PTPRZ1: variants seen among roughly 807,000 people sequenced by gnomAD.
PTPRZ1 encodes protein tyrosine phosphatase receptor type Z1.
PTPRZ1 carries 82 observed loss-of-function variants against 214.1 expected under a neutral mutation model. That is an observed-to-expected ratio of 0.38 (90% CI 0.32 to 0.46). PTPRZ1 has a LOEUF of 0.46. PTPRZ1 is among the 20% of genes least tolerant of loss of function. The pLI, the probability that PTPRZ1 is intolerant of heterozygous loss-of-function variation, is 1.00. For synonymous variants in PTPRZ1, 945 were observed against 987.9 expected (o/e 0.96, Z 0.81); for missense variants, 2,603 against 2,748.7 (o/e 0.95, Z 1.19).
chr7:122,015,659 G>A (rs1345743789), intron 12 of PTPRZ1, among the ~76,000 whole-genome samples: 2 of 151,960 alleles, frequency 1.3e-5, no homozygotes, highest in African/African-American at 2.4e-5. Flanking sequence ...GTCTTACCAG[G>A]TAGTGACATT....
In PTPRZ1 at chr7:122,000,646, CAT is replaced by C. The variant is rs60953788; in HGVS notation, c.1240+2695_1240+2696del. On this transcript the variant is annotated intron_variant, in intron 10 of 29. Coordinates refer to ENST00000393386, the MANE Select transcript of PTPRZ1 (RefSeq NM_002851.3). Reference sequence around the variant, plus strand: ...ATTGCTGTCATTCTTTGATAGATTTCATATATATATATATATATATATATATA... The same window carrying C: ...ATTGCTGTCATTCTTTGATAGATTTCATATATATATATATATATATATATA... Among the ~76,000 whole-genome samples the C allele has an allele frequency of 7.2e-3, 368 of 51,284 alleles. 3 individuals are homozygous for C. The highest frequency in any genetic ancestry group is 0.011 in the African/African-American group (126 of 11,344). The allele number at this position is 51,284 out of a possible 152,430, so 33.6% of individuals were successfully genotyped here. A position where few individuals can be genotyped will look rare whatever the true frequency, so the allele number is the denominator to read the frequency against.
intron 1 of PTPRZ1, among the ~76,000 whole-genome samples, chr7:121,894,015 A>G (rs1260056736): frequency 2.0e-5 from 3 of 152,348 alleles, no homozygotes; most frequent in Admixed American, 6.5e-5. Flanking sequence ...GTTGATTGAC[A>G]TGAGACTCAG....
chr7:122,051,481 A>G lies in PTPRZ1; in HGVS notation c.6138A>G (p.Gln2046=). 1 of 1,613,762 alleles carries G rather than the reference A, an allele frequency of 6.2e-7. No homozygotes were observed. Among genetic ancestry groups the G allele is most frequent in the Non-Finnish European group, 8.5e-7 (1 of 1,179,760 alleles). ...GTGACTATTCTGCAGCCCTAAAGCA[A>G]TGCAACAGGGAAAAGAATCGAACTT... ...QQSDYSAALK[Q]CNREKNRTSS... Residue 2046 remains glutamine, a synonymous_variant, in exon 24 of 30, where the codon CAA becomes CAG. Transcript: ENST00000393386.
intron 1 of PTPRZ1, among the ~76,000 whole-genome samples, chr7:121,900,291 G>A (rs944531656): frequency 6.6e-6 from 1 of 152,136 alleles, no homozygotes; most frequent in African/African-American, 2.4e-5. Context: ...CCCAGGAGAG[G>A]CCGCTCACCC....
At chr7:121,908,873 T>C (rs571449969) in intron 1 of PTPRZ1, 14 of 506,870 alleles carry the variant, frequency 2.8e-5, no homozygotes, top group African/African-American at 2.5e-4. Flanking sequence ...ATATAAAATA[T>C]ATAGTGTGGA....
chr7:122,042,306 C>T (rs1195891163), intron 21 of PTPRZ1, among the ~76,000 whole-genome samples: 3 of 152,004 alleles, frequency 2.0e-5, no homozygotes, highest in African/African-American at 7.3e-5. Flanking sequence ...TTTCATTGTA[C>T]AATATACAAT....
chr7:121,939,550 C>A (rs913861462), intron 2 of PTPRZ1, among the ~76,000 whole-genome samples: 11 of 152,162 alleles, frequency 7.2e-5, no homozygotes, highest in African/African-American at 2.7e-4. Flanking sequence ...ATATAACATA[C>A]TCATATATCA....
At chr7:121,888,150 A>G (rs566892664) in intron 1 of PTPRZ1, among the ~76,000 whole-genome samples, 23 of 151,948 alleles carry the variant, frequency 1.5e-4, no homozygotes, top group Non-Finnish European at 3.2e-4. Flanking sequence ...TGATGCTTCA[A>G]AGTCTTAAAA....
In PTPRZ1 at chr7:122,011,039, G is replaced by A. The variant is rs774584189; in HGVS notation, c.1993G>A (p.Asp665Asn). The change falls in exon 12 of 30, where the codon GAT (aspartate) becomes AAT (asparagine). Residue 665 changes from aspartate (D) to asparagine (N), a missense_variant. By Grantham distance (23) the Asp-to-Asn change is conservative. Coordinates refer to ENST00000393386, the MANE Select transcript of PTPRZ1 (RefSeq NM_002851.3). ...CTCTACAGACATAACAGCACAGCCC[G>A]ATGTTGGATCAGGCAGAGAGAGCTT... ...PSSTDITAQP[D>N]VGSGRESFLQ... is the part of the protein sequence containing the mutation. The A allele has an allele frequency of 1.1e-5, 18 of 1,613,968 alleles. No individual in the cohort carries two copies. The highest frequency in any genetic ancestry group is 1.6e-4 in the Middle Eastern group (1 of 6,084).
intron 1 of PTPRZ1, among the ~76,000 whole-genome samples, chr7:121,876,659 C>G (rs550582417): frequency 2.6e-4 from 40 of 152,244 alleles, no homozygotes; most frequent in Non-Finnish European, 4.0e-4. Flanking sequence ...TAATAACTAG[C>G]CTCTATTCAG....
In PTPRZ1 at chr7:122,011,067, T is replaced by G; in HGVS notation, c.2021T>G (p.Leu674Arg). The change falls in exon 12 of 30, where the codon CTC becomes CGC. Residue 674 changes from leucine to arginine, a missense_variant. Physicochemically the swap from Leu to Arg is moderately radical, Grantham distance 102 (BLOSUM62 -2). This residue lies in a region of PTPRZ1 where 1,913 missense variants were observed against 1,914.3 expected (regional missense o/e 1.00). Transcript: ENST00000393386. Reference protein sequence around the residue: ...PDVGSGRESFLQTNYTEIRVD... With the variant: ...PDVGSGRESFRQTNYTEIRVD... ...GTTGGATCAGGCAGAGAGAGCTTTC[T>G]CCAGACTAATTACACTGAGATACGT... 1 of 1,614,116 alleles carries G rather than the reference T, an allele frequency of 6.2e-7. No individual in the cohort carries two copies.
At chr7:121,891,245 A>G in intron 1 of PTPRZ1, among the ~76,000 whole-genome samples, 1 of 151,700 alleles carries the variant, frequency 6.6e-6, no homozygotes, top group East Asian at 1.9e-4. Context: ...TCTCTTCTCA[A>G]ATGTCCTCTG....
chr7:121,937,217 T>C (rs1796112554), intron 2 of PTPRZ1, among the ~76,000 whole-genome samples: 1 of 152,062 alleles, frequency 6.6e-6, no homozygotes, highest in Non-Finnish European at 1.5e-5. Context: ...TTGAACCCTA[T>C]TGAGAGGTAG....
chr7:121,997,709 C>T (rs1201210304), intron 9 of PTPRZ1, among the ~76,000 whole-genome samples, 171 bp from the exon 10 acceptor site: 1 of 147,034 alleles, frequency 6.8e-6, no homozygotes, highest in Admixed American at 6.8e-5. Context: ...CTTCATAATT[C>T]ACAAATACCA....
chr7:122,010,589 G>A lies in PTPRZ1; in HGVS notation c.1543G>A (p.Asp515Asn). 1 of 1,613,662 alleles carries A rather than the reference G, an allele frequency of 6.2e-7. No homozygotes were observed. Among genetic ancestry groups the A allele is most frequent in the Non-Finnish European group, 8.5e-7 (1 of 1,179,588 alleles). The change falls in exon 12 of 30, where the codon GAT becomes AAT. Residue 515 changes from aspartate (D) to asparagine (N), a missense_variant. Transcript: ENST00000393386. ...AGTCACTAAATTAGCCACAGAAAAA[G>A]ATATTTCCTTGACTTCTCAGACTGT... ...QPVTKLATEKDISLTSQTVTE... is the reference protein window; with the variant it reads ...QPVTKLATEKNISLTSQTVTE...
At chr7:122,015,581 T>C (rs1798819940) in intron 12 of PTPRZ1, among the ~76,000 whole-genome samples, 2 of 152,060 alleles carry the variant, frequency 1.3e-5, no homozygotes, top group South Asian at 4.1e-4. Flanking sequence ...CTGTTCTCAA[T>C]TATAGTAGCT....
intron 17 of PTPRZ1, 76 bp from the exon 18 acceptor site, chr7:122,036,522 TTA>T: frequency 1.0e-6 from 1 of 973,764 alleles, no homozygotes; most frequent in Non-Finnish European, 1.6e-6. Flanking sequence ...ATGAAATAAA[TTA>T]TTATGCAAAT....
rs1584768225 is a variant in PTPRZ1 at position 122,039,565 on chromosome 7, C to G, written c.5614C>G (p.Leu1872Val). 1.9e-6 allele frequency: 3 copies of G among 1,613,226 alleles called. No individual in the cohort carries two copies. The Admixed American group carries it at 5.0e-5, about 27-fold the overall frequency. The change falls in exon 20 of 30, where the codon CTA (leucine) becomes GTA (valine). Residue 1872 changes from leucine to valine, a missense_variant. Physicochemically the swap from Leu to Val is conservative, Grantham distance 32. This residue lies in a region of PTPRZ1 where 1,913 missense variants were observed against 1,914.3 expected (regional missense o/e 1.00). Transcript: ENST00000393386. ...LAYYTVRNFT[L>V]RNTKIKKGSQ... Reference sequence around the variant, plus strand: ...CTATTATACTGTGAGGAATTTTACTCTAAGAAACACAAAAATAAAAAAGGT... The same window carrying G: ...CTATTATACTGTGAGGAATTTTACTGTAAGAAACACAAAAATAAAAAAGGT...
At chr7:121,974,448 C>T (rs1214727572) in intron 4 of PTPRZ1, among the ~76,000 whole-genome samples, 2 of 152,038 alleles carry the variant, frequency 1.3e-5, no homozygotes, top group Non-Finnish European at 2.9e-5. Flanking sequence ...AATGCAAAAG[C>T]CTCTCAAATT....
Sources: gnomAD v4.1 joint callset for allele counts (sites outside exome capture counted in the v4.1 genomes callset) on GRCh38, gnomAD v4.1.1 for gene constraint, gnomAD v4.1.1 regional missense constraint, MANE v1.5 for transcripts, NCBI Gene and HGNC (gene_info 2026-07-23, HGNC 2026-07-21) for gene names.